The following GLT8D1 variants were observed in gnomAD, a reference collection of about 807,000 sequenced individuals.
The protein encoded by GLT8D1 is glycosyltransferase 8 domain containing 1.
A neutral mutation model predicts 46.2 loss-of-function variants in GLT8D1; 41 were observed. The ratio of observed to expected loss-of-function variants is 0.89; its 90% confidence interval spans 0.69 to 1.15. The LOEUF (loss-of-function observed/expected upper bound fraction) is 1.15. Ranked by LOEUF, GLT8D1 falls within the 50% of genes most tolerant of loss-of-function variation. The probability of loss-of-function intolerance (pLI) is 0.00; values close to 1 mark genes in which losing one functional copy is unlikely to be tolerated. For missense variants in GLT8D1, 408 were observed against 449.3 expected, an observed-to-expected ratio of 0.91 and a Z score of 0.83; for synonymous variants, 150 against 154.2, an observed-to-expected ratio of 0.97 and a Z score of 0.20.
intron 8 of GLT8D1, 49 bp from the exon 9 acceptor site, chr3:52,695,351 C>T (rs1342838426): frequency 6.3e-7 from 1 of 1,582,088 alleles, no homozygotes; most frequent in Non-Finnish European, 8.7e-7. Flanking sequence ...TACTGACTAA[C>T]TCCTGTTAGT....
chr3:52,697,514 G>C, intron 4 of GLT8D1: 1 of 569,890 alleles, frequency 1.8e-6, no homozygotes, highest in Non-Finnish European at 3.1e-6. Context: ...CTTACTTCCT[G>C]GCATGAGCTC....
chr3:52,697,293 A>C (rs1419633684), intron 4 of GLT8D1, among the ~76,000 whole-genome samples: 3 of 152,212 alleles, frequency 2.0e-5, no homozygotes, highest in African/African-American at 4.8e-5. Flanking sequence ...ACTCTGGGCC[A>C]GGATTTGGAT....
At chr3:52,699,062 C>CATACTT (rs5848959) in intron 3 of GLT8D1, among the ~76,000 whole-genome samples, 1 of 151,302 alleles carries the variant, frequency 6.6e-6, no homozygotes, top group Non-Finnish European at 1.5e-5. Flanking sequence ...ATCACAGTGA[C>CATACTT]ATGATATACA....
Position 52,695,018 on chromosome 3 carries a change from G to A in GLT8D1, c.943C>T (p.Arg315Ter). Residue 315 changes from arginine to a stop codon, truncating the protein, a stop_gained, in exon 10 of 10, where the codon CGA (arginine) becomes TGA (stop). Coordinates refer to ENST00000266014, the MANE Select transcript of GLT8D1 (RefSeq NM_018446.4). LOFTEE classifies it high-confidence loss of function. The stretch of plus-strand genomic sequence containing the variant: ...GCCTTTACAAACTGAGGTGAATATC[G>A]TTTTCCAGCACTGGAACCTTACATT... ...VRHLGSSAGK[R>*]YSPQFVKAAK... The A allele has an allele frequency of 9.9e-6, 16 of 1,610,982 alleles. No homozygotes were observed. Among genetic ancestry groups the A allele is most frequent in the Non-Finnish European group, 1.3e-5 (15 of 1,177,182 alleles).
In GLT8D1 at chr3:52,695,593, A is replaced by T. The variant is rs1403957287; in HGVS notation, c.646-6T>A. 1.9e-6 allele frequency: 3 copies of T among 1,547,536 alleles called. No homozygotes were observed. The highest frequency in any genetic ancestry group is 2.7e-6 in the Non-Finnish European group (3 of 1,120,472). On this transcript the variant is annotated splice_polypyrimidine_tract_variant and splice_region_variant and intron_variant, in intron 7 of 9. Transcript: ENST00000266014. ...AGATAGCCAATGTAATTGTACTAAA[A>T]ACACAAATAGGATATATGTACTTAC...
chr3:52,694,787 A>G lies in GLT8D1; in HGVS notation c.*58T>C, dbSNP rs1422332717. On this transcript the variant is annotated 3_prime_UTR_variant, in exon 10 of 10. Coordinates refer to ENST00000266014, the MANE Select transcript of GLT8D1 (RefSeq NM_018446.4). The stretch of plus-strand genomic sequence containing the variant: ...TGAAGCCTAGCAACTGTTACTTCCC[A>G]CGCATGCTATCTTCCAGGACTTCCT... The G allele has an allele frequency of 1.7e-6, 2 of 1,189,708 alleles. No individual in the cohort carries two copies. The allele number at this position is 1,189,708 out of a possible 1,614,324, so 73.7% of individuals were successfully genotyped here. A position where few individuals can be genotyped will look rare whatever the true frequency, so the allele number is the denominator to read the frequency against.
In GLT8D1 at chr3:52,695,463, T is replaced by G; in HGVS notation, c.770A>C (p.Asn257Thr). ...VANLTEWKRQNITNQLEKWMK... is the reference protein window; with the variant it reads ...VANLTEWKRQTITNQLEKWMK... ...CCATTTTTCCAGTTGGTTAGTTATA[T>G]TCTGTCGTTTCCATTCCGTCAGGTT... Residue 257 changes from asparagine to threonine, a missense_variant, in exon 8 of 10, where the codon AAT becomes ACT. Transcript: ENST00000266014. 6.2e-7 allele frequency: 1 copy of G among 1,614,028 alleles called. No homozygotes were observed. Among genetic ancestry groups the G allele is most frequent in the Non-Finnish European group, 8.5e-7 (1 of 1,179,858 alleles).
Position 52,705,763 on chromosome 3 carries a change from G to A in GLT8D1, c.-353C>T, listed in dbSNP as rs1288929818. 5 of 1,120,218 alleles carry A rather than the reference G, an allele frequency of 4.5e-6. No homozygotes were observed. The South Asian group carries it at 7.5e-5, about 17-fold the overall frequency. 69.4% of individuals were successfully genotyped at this position (1,120,218 alleles called of 1,614,324 possible). A position where few individuals can be genotyped will look rare whatever the true frequency, so the allele number is the denominator to read the frequency against. On this transcript the variant is annotated 5_prime_UTR_variant, in exon 1 of 10. Transcript: ENST00000266014. ...GCCCAGCCAGCCCGCAGCGGTAACC[G>A]CTAGAGCGTCGCGCCAAGCAGGCGC...
chr3:52,695,595 C>T lies in GLT8D1; in HGVS notation c.646-8G>A, dbSNP rs779680583. 6.5e-7 allele frequency: 1 copy of T among 1,532,670 alleles called. No homozygotes were observed. The highest frequency in any genetic ancestry group is 9.0e-7 in the Non-Finnish European group (1 of 1,107,168). 94.9% of individuals were successfully genotyped at this position (1,532,670 alleles called of 1,614,324 possible). A position where few individuals can be genotyped will look rare whatever the true frequency, so the allele number is the denominator to read the frequency against. On this transcript the variant is annotated splice_polypyrimidine_tract_variant and splice_region_variant and intron_variant, in intron 7 of 9. Transcript: ENST00000266014. ...ATAGCCAATGTAATTGTACTAAAAA[C>T]ACAAATAGGATATATGTACTTACTG...
At chr3:52,696,399 A>G (rs2097333614) in intron 5 of GLT8D1, 81 bp from the exon 6 acceptor site, 1 of 1,106,508 alleles carries the variant, frequency 9.0e-7, no homozygotes, top group Non-Finnish European at 1.4e-6. Context: ...GGATGCTTTC[A>G]GTACCCATTC....
intron 9 of GLT8D1, 76 bp downstream of exon 9, chr3:52,695,114 A>G: frequency 7.0e-7 from 1 of 1,424,208 alleles, no homozygotes; most frequent in Non-Finnish European, 9.9e-7. Flanking sequence ...GAAACAAAGA[A>G]TATACCCCAT....
rs564786953 is a variant in GLT8D1, at chr3:52,697,474, G to T, written c.329+247C>A. The T allele has an allele frequency of 5.9e-5, 30 of 512,134 alleles. No individual in the cohort carries two copies. The East Asian group carries it at 9.6e-4, about 16-fold the overall frequency. 31.7% of individuals were successfully genotyped at this position (512,134 alleles called of 1,614,324 possible). On this transcript the variant is annotated intron_variant, in intron 4 of 9. Transcript: ENST00000266014. ...AGTATTATTATCAAAACACCATCAG[G>T]TGGGGTTAACAGTTCAGAGTGACAG...
intron 9 of GLT8D1, 55 bp from the exon 10 acceptor site, chr3:52,695,090 A>AAACTT (rs1271570911): frequency 1.4e-5 from 20 of 1,473,044 alleles, no homozygotes; most frequent in African/African-American, 6.9e-5. Flanking sequence ...ATTGTGCAGA[A>AAACTT]AACTTACTTA....
rs571338168 is a variant in GLT8D1, at chr3:52,695,534, G to A, written c.699C>T (p.Ser233=). 9.9e-6 allele frequency: 16 copies of A among 1,609,908 alleles called. No individual in the cohort carries two copies. The South Asian group carries it at 1.8e-4, about 18-fold the overall frequency. The change falls in exon 8 of 10, where the codon TCC becomes TCT. Residue 233 remains serine (S), a synonymous_variant. Coordinates refer to ENST00000266014, the MANE Select transcript of GLT8D1 (RefSeq NM_018446.4). ...TAAATGAGCAAGTGCTGGCTTTCATGGAAAGCTTACGAATTCTTTCCTTTT... is the reference window on the plus strand; with the variant it reads ...TAAATGAGCAAGTGCTGGCTTTCATAGAAAGCTTACGAATTCTTTCCTTTT... ...DYKKERIRKL[S]MKASTCSFNP...
chr3:52,694,510 T>G lies in GLT8D1; in HGVS notation c.*335A>C. The G allele has an allele frequency of 1.7e-6, 1 of 578,268 alleles. No homozygotes were observed. The highest frequency in any genetic ancestry group is 3.1e-6 in the Non-Finnish European group (1 of 327,792). 35.8% of individuals were successfully genotyped at this position (578,268 alleles called of 1,614,324 possible). A position where few individuals can be genotyped will look rare whatever the true frequency, so the allele number is the denominator to read the frequency against. On this transcript the variant is annotated 3_prime_UTR_variant, in exon 10 of 10. Transcript: ENST00000266014. ...ACCTATTGAAAAATGTAAGTTTTAT[T>G]TACAGATCAGGCCACAGGTTACAAA...
Position 52,700,512 on chromosome 3 carries a change from A to C in GLT8D1, c.-36-16T>G. On this transcript the variant is annotated splice_polypyrimidine_tract_variant and intron_variant, in intron 1 of 9. Coordinates refer to ENST00000266014, the MANE Select transcript of GLT8D1 (RefSeq NM_018446.4). ...GTTTTTAACCCTACAAAACAAAAAC[A>C]AGCCCCCAAAGTCAGTAAGCACATG... 1 of 1,300,262 alleles carries C rather than the reference A, an allele frequency of 7.7e-7. No homozygotes were observed. Among genetic ancestry groups the C allele is most frequent in the East Asian group, 2.3e-5 (1 of 43,056 alleles). The allele number at this position is 1,300,262 out of a possible 1,614,324, so 80.5% of individuals were successfully genotyped here.
At chr3:52,700,607 C>T in intron 1 of GLT8D1, 111 bp from the exon 2 acceptor site, 2 of 540,590 alleles carry the variant, frequency 3.7e-6, no homozygotes, top group Non-Finnish European at 3.3e-6. Flanking sequence ...GAGGCATATA[C>T]AGTATTCCGC....
At chr3:52,695,108 C>G in intron 9 of GLT8D1, 73 bp from the exon 10 acceptor site, 2 of 1,431,830 alleles carry the variant, frequency 1.4e-6, no homozygotes, top group South Asian at 1.2e-5. Flanking sequence ...TTAAGGGAAA[C>G]AAAGAATATA....
intron 3 of GLT8D1, among the ~76,000 whole-genome samples, chr3:52,699,530 A>G (rs1482961607): frequency 6.6e-6 from 1 of 151,978 alleles, no homozygotes; most frequent in African/African-American, 2.4e-5. Flanking sequence ...TGATCTGCCC[A>G]CCTCAGCCTC....
Sources: allele counts gnomAD v4.1 joint callset (sites outside exome capture counted in the v4.1 genomes callset), GRCh38; gene constraint gnomAD v4.1.1; transcripts MANE v1.5; gene names NCBI Gene and HGNC (gene_info 2026-07-23, HGNC 2026-07-21).